The following CLIP1 variants were observed in gnomAD, a reference collection of about 807,000 sequenced individuals.
CLIP1 encodes the protein CAP-Gly domain-containing linker protein 1.
In CLIP1, 66 loss-of-function variants were observed where a neutral mutation model predicts 161.6. That is an observed-to-expected ratio of 0.41 (90% confidence interval 0.33 to 0.50). The LOEUF (loss-of-function observed/expected upper bound fraction) is 0.50. Ranked by LOEUF, CLIP1 falls within the 20% of genes least tolerant of loss-of-function variation. The probability of loss-of-function intolerance (pLI) is 0.27; values close to 1 mark genes in which losing one functional copy is unlikely to be tolerated. For missense variants in CLIP1, 1,376 were observed against 1,702.0 expected (o/e 0.81, Z 3.37); for synonymous variants, 598 against 626.2 (o/e 0.96, Z 0.67).
chr12:122,274,266 G>A (rs947657567), intron 24 of CLIP1, 104 bp from the exon 25 acceptor site: 1 of 917,232 alleles, frequency 1.1e-6, no homozygotes, highest in South Asian at 1.5e-5. Flanking sequence ...GGCAAAGTGT[G>A]CAGAAGGGGC....
chr12:122,380,199 C>A (rs928894260), intron 2 of CLIP1, among the ~76,000 whole-genome samples, 169 bp downstream of exon 2: 45 of 145,714 alleles, frequency 3.1e-4, no homozygotes, highest in African/African-American at 1.1e-3. Flanking sequence ...GCCAAGATTG[C>A]GCCACTGCAC....
intron 1 of CLIP1, among the ~76,000 whole-genome samples, chr12:122,407,666 C>G (rs1360288483): frequency 1.5e-5 from 2 of 131,356 alleles, no homozygotes; most frequent in Non-Finnish European, 3.3e-5. Flanking sequence ...CCACTGCACT[C>G]CAGCCTGGAT....
In CLIP1 at chr12:122,341,686, A is replaced by C; in HGVS notation, c.1518T>G (p.Val506=). 4 of 1,560,076 alleles carry C rather than the reference A, an allele frequency of 2.6e-6. No homozygotes were observed. The highest frequency in any genetic ancestry group is 3.5e-6 in the Non-Finnish European group (4 of 1,151,662). The part of the protein sequence containing the change: ...RELEDTRVAT[V]SEKSRIMELE... ...GTTCCATTATACGTGACTTTTCTGAAACTGTAGCCACCTATTAACAGCAGT... is the reference window on the plus strand; with the variant it reads ...GTTCCATTATACGTGACTTTTCTGACACTGTAGCCACCTATTAACAGCAGT... Residue 506 remains valine, a synonymous_variant, in exon 11 of 26, where the codon GTT becomes GTG. Coordinates refer to ENST00000620786, the MANE Select transcript of CLIP1 (RefSeq NM_001247997.2).
intron 21 of CLIP1, among the ~76,000 whole-genome samples, chr12:122,287,724 A>C (rs1955914876): frequency 6.6e-6 from 1 of 152,218 alleles, no homozygotes; most frequent in Non-Finnish European, 1.5e-5. Flanking sequence ...CCTAGTTTTT[A>C]ATTTGAGTAT....
In CLIP1 at chr12:122,315,776, G is replaced by A. The variant is rs555046382; in HGVS notation, c.3473+973C>T. Among the ~76,000 whole-genome samples, 24 of 151,692 alleles carry A rather than the reference G, an allele frequency of 1.6e-4. 1 individual carries two copies. Among genetic ancestry groups the A allele is most frequent in the Admixed American group, 1.4e-3 (21 of 15,236 alleles). On this transcript the variant is annotated intron_variant, in intron 19 of 25. Coordinates refer to ENST00000620786, the MANE Select transcript of CLIP1 (RefSeq NM_001247997.2). Reference sequence around the variant, plus strand: ...CTGCCTTAGCCTCCTGAGTAGCTGAGACTACAGGCGTCCGCCACCACGCCC... The same window carrying A: ...CTGCCTTAGCCTCCTGAGTAGCTGAAACTACAGGCGTCCGCCACCACGCCC...
chr12:122,419,402 A>C (rs556091362), intron 1 of CLIP1, among the ~76,000 whole-genome samples: 265 of 152,004 alleles, frequency 1.7e-3, no homozygotes, highest in Non-Finnish European at 3.2e-3. Context: ...AAAAATAAGA[A>C]ACGTTTACTG....
chr12:122,354,898 C>G (rs1027845967), intron 6 of CLIP1: 4 of 597,424 alleles, frequency 6.7e-6, no homozygotes, highest in African/African-American at 5.6e-5. Context: ...ACACAAAGAC[C>G]AAACACTAAG....
intron 2 of CLIP1, 90 bp from the exon 3 acceptor site, chr12:122,378,050 C>T: frequency 9.0e-7 from 1 of 1,111,774 alleles, no homozygotes; most frequent in South Asian, 1.5e-5. Context: ...CAACAGCCCA[C>T]AGGAGTAGCC....
intron 3 of CLIP1, among the ~76,000 whole-genome samples, chr12:122,375,315 C>CTTTTTTTTTTTTTTTTTTTTTTT (rs58301377): frequency 7.0e-6 from 1 of 142,822 alleles, no homozygotes. Flanking sequence ...CCCTGAAATT[C>CTTTTTTTTTTTTTTTTTTTTTTT]TTTTTTTTTT....
At chr12:122,301,564 C>T (rs1158029677) in intron 20 of CLIP1, among the ~76,000 whole-genome samples, 1 of 152,182 alleles carries the variant, frequency 6.6e-6, no homozygotes, top group Non-Finnish European at 1.5e-5. Context: ...TTTCCAGGTA[C>T]TCAGGAGGCT....
chr12:122,403,052 A>G (rs1956194390), intron 1 of CLIP1, among the ~76,000 whole-genome samples: 1 of 152,120 alleles, frequency 6.6e-6, no homozygotes, highest in Non-Finnish European at 1.5e-5. Flanking sequence ...TCCTCTTGGC[A>G]TCGATAGTAA....
chr12:122,317,562 T>G (rs7958848), intron 18 of CLIP1, among the ~76,000 whole-genome samples: 1 of 152,050 alleles, frequency 6.6e-6, no homozygotes, highest in African/African-American at 2.4e-5. Context: ...TGGCAGGTGG[T>G]TGGAGCTCTA....
intron 24 of CLIP1, 144 bp from the exon 25 acceptor site, chr12:122,274,306 T>C: frequency 1.6e-6 from 1 of 611,640 alleles, no homozygotes; most frequent in East Asian, 3.0e-5. Flanking sequence ...CCCATGCTTT[T>C]CACTCTCCCG....
chr12:122,390,144 CTCTTT>C (rs1335353418), intron 1 of CLIP1, among the ~76,000 whole-genome samples: 1 of 137,086 alleles, frequency 7.3e-6, no homozygotes, highest in Non-Finnish European at 1.5e-5. Flanking sequence ...CCAATTCAAT[CTCTTT>C]TCTAATAAAT....
chr12:122,283,252 C>T lies in CLIP1; in HGVS notation c.3648-4107G>A, dbSNP rs144575744. 3.3e-4 allele frequency among the ~76,000 whole-genome samples: 51 copies of T among 152,244 alleles called. No homozygotes were observed. The East Asian group carries it at 9.6e-3, about 29-fold the overall frequency. ...GGCATACCCTGCTTTACCCATTAGA[C>T]TCTTAGAGCCTGTTTTAAAAGGCTT... is the stretch of plus-strand genomic sequence containing the variant. On this transcript the variant is annotated intron_variant, in intron 21 of 25. Transcript: ENST00000620786.
intron 24 of CLIP1, chr12:122,277,555 C>G (rs1198927231): frequency 6.6e-6 from 1 of 151,988 alleles, no homozygotes; most frequent in Non-Finnish European, 1.5e-5. Context: ...TTCAAGAAAC[C>G]AGTCTTTTTA....
In CLIP1 at chr12:122,388,311, C is replaced by T. The variant is rs186885388; in HGVS notation, c.-106-7753G>A. Among the ~76,000 whole-genome samples the T allele has an allele frequency of 3.0e-3, 451 of 152,234 alleles. 1 individual carries two copies. Among genetic ancestry groups the T allele is most frequent in the South Asian group, 0.023 (110 of 4,820 alleles). On this transcript the variant is annotated intron_variant, in intron 1 of 25. Coordinates refer to ENST00000620786, the MANE Select transcript of CLIP1 (RefSeq NM_001247997.2). ...CTCGGCTCACTGCAAGCTCCGCCTC[C>T]CGGGTTCAGGCCATTCTCCTGCCTC...
chr12:122,343,265 C>T (rs1252054283), intron 10 of CLIP1: 1 of 151,694 alleles, frequency 6.6e-6, no homozygotes, highest in Non-Finnish European at 1.5e-5. Context: ...TTCCAAGTAG[C>T]TGGGATTACA....
chr12:122,309,376 T>C (rs1269786976), intron 20 of CLIP1, among the ~76,000 whole-genome samples: 1 of 152,186 alleles, frequency 6.6e-6, no homozygotes, highest in Non-Finnish European at 1.5e-5. Flanking sequence ...TCTTGGAATC[T>C]GTTTCTTCAA....
Sources: gnomAD v4.1 joint callset for allele counts (sites outside exome capture counted in the v4.1 genomes callset) on GRCh38, gnomAD v4.1.1 for gene constraint, MANE v1.5 for transcripts, NCBI Gene and HGNC (gene_info 2026-07-23, HGNC 2026-07-21) for gene names.